The following C2orf76 variants were observed in gnomAD, a reference collection of about 807,000 sequenced individuals.
The protein encoded by C2orf76 is UPF0538 protein C2orf76.
Under a neutral mutation model 16.9 loss-of-function variants are expected in C2orf76, and 23 were observed. The observed-to-expected ratio is 1.36, with a 90% CI of 0.98 to 1.93. C2orf76 has a LOEUF of 1.93. Ranked by LOEUF, C2orf76 falls within the 30% of genes most tolerant of loss-of-function variation. The pLI is 0.00. For missense variants in C2orf76, 152 were observed against 152.6 expected, an observed-to-expected ratio of 1.00 and a Z score of 0.02; for synonymous variants, 48 against 52.3, an observed-to-expected ratio of 0.92 and a Z score of 0.35.
At chr2:119,359,713 T>C (rs1279024491) in intron 1 of C2orf76, among the ~76,000 whole-genome samples, 1 of 152,174 alleles carries the variant, frequency 6.6e-6, no homozygotes, top group African/African-American at 2.4e-5. Context: ...TGCAATCTCA[T>C]AATAAAATGC....
At chr2:119,346,035 A>G (rs1680188764) in intron 1 of C2orf76, among the ~76,000 whole-genome samples, 1 of 145,986 alleles carries the variant, frequency 6.8e-6, no homozygotes, top group Non-Finnish European at 1.5e-5. Context: ...AGCCTGGGCG[A>G]CAGAGTGAGA....
intron 5 of C2orf76, among the ~76,000 whole-genome samples, chr2:119,310,352 C>T (rs1287804784): frequency 2.0e-5 from 3 of 152,188 alleles, no homozygotes; most frequent in Admixed American, 6.5e-5. Context: ...CTTACATATT[C>T]ATAACATGGA....
chr2:119,349,549 C>T (rs1221234205), intron 1 of C2orf76, among the ~76,000 whole-genome samples: 2 of 152,138 alleles, frequency 1.3e-5, no homozygotes, highest in Non-Finnish European at 2.9e-5. Context: ...TTAACATATC[C>T]CTCCAGCTAC....
intron 1 of C2orf76, 33 bp downstream of exon 1, chr2:119,366,757 C>G (rs1430507241): frequency 1.8e-6 from 1 of 551,558 alleles, no homozygotes; most frequent in Non-Finnish European, 3.2e-6. Context: ...CTCCCGGCAG[C>G]AAAACTAAGC....
At chr2:119,318,745 C>T (rs538147502) in intron 3 of C2orf76, among the ~76,000 whole-genome samples, 35 of 152,098 alleles carry the variant, frequency 2.3e-4, no homozygotes, top group African/African-American at 8.2e-4. Flanking sequence ...GGCTAGGTCT[C>T]GAACTCCTGA....
At position 119,362,476 on chromosome 2, in the gene C2orf76, G is replaced by A. The variant is rs553744871; in HGVS notation, c.-13+4314C>T. ...TCTAGTTTCAAGGCATTTTCCAGGT[G>A]GTTTGTCATGTGCAGCTAGGAGCTA... On this transcript the variant is annotated intron_variant, in intron 1 of 5. Transcript: ENST00000334816. Among the ~76,000 whole-genome samples, 6 of 152,268 alleles carry A rather than the reference G, an allele frequency of 3.9e-5. No homozygotes were observed. In the South Asian group the frequency reaches 1.2e-3, roughly 32 times the overall value.
chr2:119,317,596 G>T, intron 3 of C2orf76, 93 bp from the exon 4 acceptor site: 1 of 934,506 alleles, frequency 1.1e-6, no homozygotes. Context: ...ACGAAATTGA[G>T]AAATGTAAGT....
chr2:119,291,852 A>C, the C2orf76 span, among the ~76,000 whole-genome samples: 479 of 152,198 alleles, frequency 3.1e-3, 3 homozygotes, highest in African/African-American at 9.9e-3. Context: ...ATGTTTAGTC[A>C]GGCACCGAGC....
At chr2:119,331,398 C>T (rs1679673695) in intron 2 of C2orf76, among the ~76,000 whole-genome samples, 1 of 152,230 alleles carries the variant, frequency 6.6e-6, no homozygotes, top group Non-Finnish European at 1.5e-5. Flanking sequence ...CCGAGCATTT[C>T]TCATTCTACT....
intron 1 of C2orf76, among the ~76,000 whole-genome samples, chr2:119,346,623 C>A (rs1436783726): frequency 6.6e-6 from 1 of 151,822 alleles, no homozygotes; most frequent in East Asian, 1.9e-4. Flanking sequence ...TAGGGTGTTG[C>A]CAGGGGTTAG....
At chr2:119,282,296 C>T in the C2orf76 span, among the ~76,000 whole-genome samples, 1 of 152,164 alleles carries the variant, frequency 6.6e-6, no homozygotes, top group African/African-American at 2.4e-5. Context: ...ACCAATAGGT[C>T]GGCTCTGATG....
intron 2 of C2orf76, among the ~76,000 whole-genome samples, chr2:119,329,582 T>C (rs375717945): frequency 2.0e-5 from 3 of 152,212 alleles, no homozygotes; most frequent in East Asian, 3.8e-4. Context: ...GATTGTCTAT[T>C]TGACAATATT....
the C2orf76 span, among the ~76,000 whole-genome samples, chr2:119,286,224 C>CAA: frequency 3.3e-3 from 199 of 59,686 alleles, no homozygotes; most frequent in East Asian, 5.1e-3. Context: ...GACTCCATCT[C>CAA]AAAAAAAAAA....
chr2:119,361,808 C>T (rs1573696026), intron 1 of C2orf76, among the ~76,000 whole-genome samples: 1 of 152,010 alleles, frequency 6.6e-6, no homozygotes, highest in Non-Finnish European at 1.5e-5. Context: ...TTTTTATAAC[C>T]GCACGTCAAT....
chr2:119,287,379 C>T, the C2orf76 span, among the ~76,000 whole-genome samples: 4 of 152,162 alleles, frequency 2.6e-5, no homozygotes, highest in African/African-American at 9.7e-5. Flanking sequence ...ACACCTCAGT[C>T]CCCACCAGCT....
At chr2:119,330,345 C>T (rs1679636308) in intron 2 of C2orf76, among the ~76,000 whole-genome samples, 1 of 132,226 alleles carries the variant, frequency 7.6e-6, no homozygotes, top group Admixed American at 7.4e-5. Context: ...CCACTGCACT[C>T]TCCATCTCAA....
rs116770114 is a variant in C2orf76, at chr2:119,309,251, C to A, written c.304+2371G>T. Among the ~76,000 whole-genome samples, 1,508 of 152,242 alleles carry A rather than the reference C, an allele frequency of 9.9e-3. 25 individuals are homozygous for A. Among genetic ancestry groups the A allele is most frequent in the Non-Finnish European group, 0.015 (1,002 of 68,010 alleles). On this transcript the variant is annotated intron_variant, in intron 5 of 5. Transcript: ENST00000334816. ...TAAAACAGTATCTATGTACTCATTT[C>A]TAATAAGTACTCATTCTCTCCTAAT...
chr2:119,321,050 T>C (rs1679325029), intron 3 of C2orf76, 104 bp downstream of exon 3: 1 of 577,126 alleles, frequency 1.7e-6, no homozygotes. Context: ...TCCAAATTGG[T>C]TTTTATTTAC....
At chr2:119,291,303 T>C in the C2orf76 span, among the ~76,000 whole-genome samples, 1 of 151,902 alleles carries the variant, frequency 6.6e-6, no homozygotes, top group African/African-American at 2.4e-5. Context: ...CCAGAGATTC[T>C]ATTTCCTTGA....
Sources: gnomAD v4.1 joint callset for allele counts (sites outside exome capture counted in the v4.1 genomes callset) on GRCh38, gnomAD v4.1.1 for gene constraint, MANE v1.5 for transcripts, NCBI Gene and HGNC (gene_info 2026-07-23, HGNC 2026-07-21) for gene names.